Variants in GRIK1 observed in about 807,000 individuals in gnomAD.
The protein encoded by GRIK1 is glutamate receptor ionotropic, kainate 1.
Under a neutral mutation model 105.7 loss-of-function variants are expected in GRIK1, and 69 were observed. The observed-to-expected ratio is 0.65, with a 90% CI of 0.54 to 0.80. GRIK1 has a LOEUF of 0.80. GRIK1 is among the 30% of genes least tolerant of loss of function. The pLI is 0.00. For missense variants in GRIK1, 1,109 were observed against 1,167.3 expected, an observed-to-expected ratio of 0.95 and a Z score of 0.73; for synonymous variants, 438 against 431.3, an observed-to-expected ratio of 1.02 and a Z score of -0.19.
At chr21:29,888,710 C>A (rs981499549) in intron 1 of GRIK1, among the ~76,000 whole-genome samples, 1 of 152,202 alleles carries the variant, frequency 6.6e-6, no homozygotes, top group Non-Finnish European at 1.5e-5. Flanking sequence ...TGCAGCATTG[C>A]AACAGCCTGA....
chr21:29,612,542 C>T (rs2061751718), intron 7 of GRIK1, among the ~76,000 whole-genome samples: 1 of 152,160 alleles, frequency 6.6e-6, no homozygotes, highest in African/African-American at 2.4e-5. Context: ...CCCTTCAGTA[C>T]ATTGTCAGTG....
At chr21:29,796,905 C>T (rs2066573559) in intron 1 of GRIK1, among the ~76,000 whole-genome samples, 1 of 151,718 alleles carries the variant, frequency 6.6e-6, no homozygotes, top group Non-Finnish European at 1.5e-5. Context: ...GCTGAGATCA[C>T]ACCACTGCCC....
At chr21:29,615,674 G>A (rs1191396082) in intron 7 of GRIK1, among the ~76,000 whole-genome samples, 1 of 152,162 alleles carries the variant, frequency 6.6e-6, no homozygotes, top group Non-Finnish European at 1.5e-5. Flanking sequence ...GCTGAATTCC[G>A]AAGATCTTCC....
At chr21:29,750,381 G>A (rs1326371649) in intron 1 of GRIK1, among the ~76,000 whole-genome samples, 1 of 152,064 alleles carries the variant, frequency 6.6e-6, no homozygotes, top group Non-Finnish European at 1.5e-5. Flanking sequence ...CAACCACAGG[G>A]TAGAAACATC....
chr21:29,583,658 CA>C (rs2091070057), intron 12 of GRIK1, among the ~76,000 whole-genome samples: 1 of 152,184 alleles, frequency 6.6e-6, no homozygotes, highest in African/African-American at 2.4e-5. Context: ...GTCTAAACAG[CA>C]ATGTGATTCT....
chr21:29,912,876 A>G lies in GRIK1; in HGVS notation c.118+26507T>C, dbSNP rs186431427. Among the ~76,000 whole-genome samples the G allele has an allele frequency of 4.4e-4, 67 of 152,188 alleles. No individual in the cohort carries two copies. The East Asian group carries it at 0.01, about 23-fold the overall frequency. On this transcript the variant is annotated intron_variant, in intron 1 of 17. Coordinates refer to ENST00000327783, the MANE Select transcript of GRIK1 (RefSeq NM_001330994.2). ...TCAAGTAATAGCTACTTATCTATAC[A>G]TTTACATTCAAAATATACTTACTTG... is the stretch of plus-strand genomic sequence containing the variant.
intron 1 of GRIK1, among the ~76,000 whole-genome samples, chr21:29,869,579 A>G (rs2068941837): frequency 6.6e-6 from 1 of 152,246 alleles, no homozygotes; most frequent in African/African-American, 2.4e-5. Flanking sequence ...CTTTTATTCC[A>G]TAGGAACTAG....
intron 7 of GRIK1, among the ~76,000 whole-genome samples, chr21:29,626,331 C>T (rs553325734): frequency 6.6e-6 from 1 of 152,146 alleles, no homozygotes; most frequent in Non-Finnish European, 1.5e-5. Context: ...GCTTTAATCA[C>T]CTGCTGAAGG....
intron 1 of GRIK1, among the ~76,000 whole-genome samples, chr21:29,828,502 T>C (rs1249586437): frequency 1.3e-5 from 2 of 152,192 alleles, no homozygotes; most frequent in East Asian, 3.9e-4. Context: ...CTTAGTTCTT[T>C]TTATTATTTG....
At chr21:29,938,028 T>G (rs1314382026) in intron 1 of GRIK1, among the ~76,000 whole-genome samples, 1 of 152,230 alleles carries the variant, frequency 6.6e-6, no homozygotes, top group Non-Finnish European at 1.5e-5. Context: ...AGTTAGTATT[T>G]GATATCTGCA....
At chr21:29,654,081 A>G (rs1413910476) in intron 5 of GRIK1, among the ~76,000 whole-genome samples, 1 of 152,212 alleles carries the variant, frequency 6.6e-6, no homozygotes, top group Non-Finnish European at 1.5e-5. Context: ...ACAGATTAGA[A>G]AACGAGCTTG....
intron 1 of GRIK1, among the ~76,000 whole-genome samples, chr21:29,844,696 A>G (rs749802591): frequency 6.6e-6 from 1 of 152,174 alleles, no homozygotes; most frequent in Non-Finnish European, 1.5e-5. Context: ...CCTCACATAT[A>G]TTCTCACTTC....
chr21:29,544,456 C>T (rs750542737), intron 16 of GRIK1, among the ~76,000 whole-genome samples: 9 of 152,114 alleles, frequency 5.9e-5, no homozygotes, highest in Non-Finnish European at 1.2e-4. Flanking sequence ...ACATTGAGGC[C>T]CTGTAATATT....
intron 1 of GRIK1, among the ~76,000 whole-genome samples, chr21:29,750,981 G>C (rs1420142468): frequency 6.6e-6 from 1 of 152,186 alleles, no homozygotes; most frequent in Non-Finnish European, 1.5e-5. Flanking sequence ...TGGGTGGATA[G>C]TGGAAAATTA....
chr21:29,800,709 G>C (rs886847126), intron 1 of GRIK1, among the ~76,000 whole-genome samples: 1 of 152,308 alleles, frequency 6.6e-6, no homozygotes, highest in East Asian at 1.9e-4. Flanking sequence ...CACTATAGTA[G>C]ATTGTGTAGA....
intron 1 of GRIK1, among the ~76,000 whole-genome samples, chr21:29,820,545 G>A (rs1017037358): frequency 2.0e-5 from 3 of 152,032 alleles, no homozygotes; most frequent in South Asian, 2.1e-4. Context: ...AATCATGGGC[G>A]TGAGATGTGT....
At chr21:29,913,642 A>G (rs2070893857) in intron 1 of GRIK1, among the ~76,000 whole-genome samples, 1 of 150,426 alleles carries the variant, frequency 6.6e-6, no homozygotes, top group Non-Finnish European at 1.5e-5. Flanking sequence ...TGTCAAAAGA[A>G]AACAGTAGAT....
chr21:29,624,733 T>C (rs1003634459), intron 7 of GRIK1, among the ~76,000 whole-genome samples: 3 of 152,234 alleles, frequency 2.0e-5, no homozygotes, highest in African/African-American at 4.8e-5. Context: ...GAAGTTTAAA[T>C]CACTAGTTTG....
intron 1 of GRIK1, among the ~76,000 whole-genome samples, chr21:29,880,205 C>G (rs1216925440): frequency 2.6e-5 from 4 of 151,994 alleles, no homozygotes; most frequent in South Asian, 2.1e-4. Context: ...CATTTATATC[C>G]CTTAAGTATT....
Sources: gnomAD v4.1 joint callset for allele counts (sites outside exome capture counted in the v4.1 genomes callset) on GRCh38, gnomAD v4.1.1 for gene constraint, MANE v1.5 for transcripts, NCBI Gene and HGNC (gene_info 2026-07-23, HGNC 2026-07-21) for gene names.